The following NFIA variants were observed in gnomAD, a reference collection of about 807,000 sequenced individuals.
NFIA encodes the protein nuclear factor I A.
In NFIA, 8 loss-of-function variants were observed where a neutral mutation model predicts 62.8. The ratio of observed to expected loss-of-function variants is 0.13; its 90% CI spans 0.07 to 0.23. The LOEUF (loss-of-function observed/expected upper bound fraction) is 0.23, where lower values mean the gene tolerates loss of function less well. Among genes scored for constraint, NFIA ranks in the 10% least tolerant of loss-of-function variants. The pLI, the probability that NFIA is intolerant of heterozygous loss-of-function variation, is 1.00. For missense variants in NFIA, 410 were observed against 642.1 expected (o/e 0.64, Z 3.91); for synonymous variants, 235 against 238.1 (o/e 0.99, Z 0.12).
chr1:61,309,146 C>G (rs771338420), intron 3 of NFIA, among the ~76,000 whole-genome samples: 2 of 152,158 alleles, frequency 1.3e-5, no homozygotes, highest in African/African-American at 4.8e-5. Flanking sequence ...TTCCTTCTTT[C>G]GTCTGAGCTC....
intron 2 of NFIA, among the ~76,000 whole-genome samples, chr1:61,205,214 G>A (rs563441242): frequency 2.6e-5 from 4 of 152,306 alleles, no homozygotes; most frequent in East Asian, 1.9e-4. Context: ...GTTTTGAACC[G>A]AGGTTGTCTT....
Position 61,457,669 on chromosome 1 carries a change from T to A in NFIA, c.*2349T>A, listed in dbSNP as rs902334728. On this transcript the variant is annotated 3_prime_UTR_variant, in exon 11 of 11. Transcript: ENST00000403491. This position sits in a 1 kb window ranked among gnomAD's most constrained non-coding sequence, Gnocchi z 4.2. ...ATTTGACCAAAGTCGGTGCTGCACT[T>A]GACGCAGTGTGTTTTAGGTGTTTGT... 6.6e-6 allele frequency: 1 copy of A among 152,154 alleles called. No individual in the cohort carries two copies. Among genetic ancestry groups the A allele is most frequent in the Non-Finnish European group, 1.5e-5 (1 of 68,024 alleles). 9.4% of individuals were successfully genotyped at this position (152,154 alleles called of 1,614,324 possible).
chr1:61,260,108 G>A (rs1656664182), intron 2 of NFIA, among the ~76,000 whole-genome samples: 1 of 152,174 alleles, frequency 6.6e-6, no homozygotes, highest in Non-Finnish European at 1.5e-5. Flanking sequence ...CAAGGCACAG[G>A]GCCTCTTTGA....
chr1:61,365,737 G>C (rs996280734), intron 6 of NFIA, among the ~76,000 whole-genome samples: 7 of 152,216 alleles, frequency 4.6e-5, no homozygotes, highest in Admixed American at 3.3e-4. Context: ...TCAAGTGTCA[G>C]TCACTACCTG....
chr1:61,159,240 G>A (rs1649011820), intron 2 of NFIA, among the ~76,000 whole-genome samples: 2 of 151,958 alleles, frequency 1.3e-5, no homozygotes, highest in Non-Finnish European at 2.9e-5. Context: ...TCTTAATTAG[G>A]CCATGTTGGA....
chr1:61,086,084 T>C (rs1646213712), intron 1 of NFIA, among the ~76,000 whole-genome samples: 1 of 152,206 alleles, frequency 6.6e-6, no homozygotes, highest in Non-Finnish European at 1.5e-5. Flanking sequence ...AGCTAAGTTA[T>C]ACTTTGCATT....
intron 2 of NFIA, among the ~76,000 whole-genome samples, chr1:61,112,847 C>T (rs1379108907): frequency 6.6e-6 from 1 of 152,118 alleles, no homozygotes; most frequent in Non-Finnish European, 1.5e-5. Flanking sequence ...TATTGTTGAA[C>T]TTGCATTAAT....
chr1:61,427,607 T>C (rs1475052291), intron 10 of NFIA, among the ~76,000 whole-genome samples: 2 of 152,144 alleles, frequency 1.3e-5, no homozygotes, highest in Admixed American at 1.3e-4. Context: ...ATTTGCCCCC[T>C]CTGTAAAGGG....
chr1:61,105,565 C>A (rs188195944), intron 2 of NFIA, among the ~76,000 whole-genome samples: 1 of 151,896 alleles, frequency 6.6e-6, no homozygotes, highest in Admixed American at 6.6e-5. Flanking sequence ...GCTAGTTGAA[C>A]ACATCTCAGG....
intron 2 of NFIA, among the ~76,000 whole-genome samples, chr1:61,235,503 TA>T (rs770594849): frequency 3.7e-5 from 5 of 136,688 alleles, no homozygotes; most frequent in African/African-American, 5.4e-5. Flanking sequence ...AATAAATAAA[TA>T]AAAATAAAAA....
intron 3 of NFIA, among the ~76,000 whole-genome samples, chr1:61,279,622 C>T (rs1226986197): frequency 1.3e-5 from 2 of 152,228 alleles, no homozygotes; most frequent in Non-Finnish European, 2.9e-5. Context: ...ATTTTATTTT[C>T]ATCTTCAAAA....
chr1:61,392,974 A>G (rs17265698), intron 7 of NFIA, among the ~76,000 whole-genome samples: 6,992 of 152,240 alleles, frequency 0.046, 244 homozygotes, highest in South Asian at 0.12. Context: ...ACACACAGGC[A>G]TAGACCCACG....
intron 4 of NFIA, among the ~76,000 whole-genome samples, chr1:61,340,520 A>C (rs905301157): frequency 5.3e-5 from 8 of 152,352 alleles, no homozygotes; most frequent in Non-Finnish European, 1.0e-4. Context: ...TACTGGAAAT[A>C]GGAATACCTC....
chr1:61,321,454 A>AGGAAGGAAGGAC (rs1660676986), intron 3 of NFIA, among the ~76,000 whole-genome samples: 1 of 152,014 alleles, frequency 6.6e-6, no homozygotes, highest in South Asian at 2.1e-4. Flanking sequence ...GAAGGAAGGA[A>AGGAAGGAAGGAC]GGAAGGAAGG....
intron 3 of NFIA, among the ~76,000 whole-genome samples, chr1:61,287,224 G>T (rs1455863717): frequency 6.6e-6 from 1 of 152,140 alleles, no homozygotes; most frequent in East Asian, 1.9e-4. Context: ...GTGTGGAGTT[G>T]TACACAAAGA....
intron 4 of NFIA, among the ~76,000 whole-genome samples, chr1:61,348,456 A>G (rs1662364994): frequency 6.6e-6 from 1 of 152,182 alleles, no homozygotes; most frequent in South Asian, 2.1e-4. Context: ...TCTGATAGAC[A>G]CTTTCGGGAC....
At chr1:61,417,381 G>A in intron 9 of NFIA, among the ~76,000 whole-genome samples, 1 of 147,306 alleles carries the variant, frequency 6.8e-6, no homozygotes, top group Non-Finnish European at 1.5e-5. Flanking sequence ...TCAAAAAAAA[G>A]TTAAGAAATA....
chr1:61,286,982 A>G (rs1007545173), intron 3 of NFIA, among the ~76,000 whole-genome samples: 1 of 152,206 alleles, frequency 6.6e-6, no homozygotes, highest in Non-Finnish European at 1.5e-5. Context: ...GAAGGGTACA[A>G]ACAAGGGAGA....
intron 10 of NFIA, among the ~76,000 whole-genome samples, chr1:61,434,105 T>G (rs1457118209): frequency 4.6e-5 from 7 of 152,204 alleles, no homozygotes; most frequent in Admixed American, 4.6e-4. Flanking sequence ...AAGTGTACCA[T>G]TGCTTCTCTT....
Sources: allele counts gnomAD v4.1 joint callset (sites outside exome capture counted in the v4.1 genomes callset), GRCh38; gene constraint gnomAD v4.1.1; non-coding constraint Gnocchi (gnomAD v3.1); transcripts MANE v1.5; gene names NCBI Gene and HGNC (gene_info 2026-07-23, HGNC 2026-07-21).